Variants in PCSK2 observed in about 807,000 individuals in gnomAD.
PCSK2 encodes the protein neuroendocrine convertase 2.
PCSK2 carries 14 observed loss-of-function variants against 69.7 expected under a neutral mutation model. The observed-to-expected ratio is 0.20, with a 90% CI of 0.13 to 0.31. The LOEUF (loss-of-function observed/expected upper bound fraction) is 0.31, where lower values mean the gene tolerates loss of function less well. PCSK2 is among the 10% of genes least tolerant of loss of function. The probability of loss-of-function intolerance (pLI) is 1.00; values close to 1 mark genes in which losing one functional copy is unlikely to be tolerated. For missense variants in PCSK2, 544 were observed against 842.5 expected (o/e 0.65, Z 4.39); for synonymous variants, 307 against 320.7 (o/e 0.96, Z 0.46).
At chr20:17,335,525 G>A (rs1193306938) in intron 2 of PCSK2, among the ~76,000 whole-genome samples, 3 of 150,300 alleles carry the variant, frequency 2.0e-5, no homozygotes, top group African/African-American at 7.4e-5. Context: ...AGGTTTTGGG[G>A]AAACAGGTGG....
chr20:17,338,528 T>C (rs753663267), intron 2 of PCSK2, among the ~76,000 whole-genome samples: 2 of 152,198 alleles, frequency 1.3e-5, no homozygotes, highest in Non-Finnish European at 2.9e-5. Context: ...GTTGTTGGTT[T>C]TGTTTTCAAG....
intron 1 of PCSK2, among the ~76,000 whole-genome samples, chr20:17,249,687 A>G (rs1986901415): frequency 6.6e-6 from 1 of 152,192 alleles, no homozygotes; most frequent in South Asian, 2.1e-4. Context: ...ATTCTGACAC[A>G]TGCCACAACA....
chr20:17,353,076 T>C (rs1220120157), intron 2 of PCSK2, among the ~76,000 whole-genome samples: 1 of 151,910 alleles, frequency 6.6e-6, no homozygotes, highest in Admixed American at 6.6e-5. Context: ...AACAAACATA[T>C]GAAAAATACT....
chr20:17,348,808 C>T (rs955829419), intron 2 of PCSK2, among the ~76,000 whole-genome samples: 2 of 152,168 alleles, frequency 1.3e-5, no homozygotes, highest in East Asian at 1.9e-4. Flanking sequence ...GATGAGACCC[C>T]ACCCTAATGG....
At chr20:17,261,766 G>T (rs897149025) in intron 2 of PCSK2, among the ~76,000 whole-genome samples, 1 of 151,906 alleles carries the variant, frequency 6.6e-6, no homozygotes, top group Admixed American at 6.5e-5. Flanking sequence ...GATCACCCTG[G>T]TGCACCGTGA....
At chr20:17,442,248 A>G (rs1174003527) in intron 8 of PCSK2, among the ~76,000 whole-genome samples, 2 of 151,600 alleles carry the variant, frequency 1.3e-5, no homozygotes, top group African/African-American at 4.8e-5. Flanking sequence ...GATGGATTCT[A>G]TTCCTAGAAG....
At chr20:17,266,567 T>C (rs1416155103) in intron 2 of PCSK2, among the ~76,000 whole-genome samples, 1 of 152,186 alleles carries the variant, frequency 6.6e-6, no homozygotes, top group Non-Finnish European at 1.5e-5. Context: ...TAGGAGAAAT[T>C]AAACAAAGAT....
At chr20:17,285,465 G>A (rs1166575889) in intron 2 of PCSK2, among the ~76,000 whole-genome samples, 1 of 152,210 alleles carries the variant, frequency 6.6e-6, no homozygotes, top group Admixed American at 6.5e-5. Flanking sequence ...GTTTGGTGAT[G>A]TAGAACTTTA....
At chr20:17,364,570 C>T (rs6080659) in intron 4 of PCSK2, among the ~76,000 whole-genome samples, 26,137 of 151,988 alleles carry the variant, frequency 0.17, 2,603 homozygotes, top group Middle Eastern at 0.3. Context: ...TCAGATCTTG[C>T]GAGACTTATT....
chr20:17,299,003 T>C (rs781079029), intron 2 of PCSK2, among the ~76,000 whole-genome samples: 1 of 152,240 alleles, frequency 6.6e-6, no homozygotes, highest in Non-Finnish European at 1.5e-5. Context: ...GTGTTACAAA[T>C]ATTTAACCTA....
intron 5 of PCSK2, among the ~76,000 whole-genome samples, chr20:17,400,490 T>A (rs1238679036): frequency 6.6e-6 from 1 of 152,116 alleles, no homozygotes; most frequent in Non-Finnish European, 1.5e-5. Flanking sequence ...ATCATAAGGA[T>A]GAGTAATGCA....
chr20:17,475,639 A>G (rs1284271807), intron 11 of PCSK2, among the ~76,000 whole-genome samples: 2 of 152,140 alleles, frequency 1.3e-5, no homozygotes, highest in Admixed American at 1.3e-4. Flanking sequence ...TTTCTGCCAG[A>G]GTTTCTACAA....
chr20:17,415,657 T>C lies in PCSK2; in HGVS notation c.620+6318T>C, dbSNP rs369124808. On this transcript the variant is annotated intron_variant, in intron 6 of 11. Coordinates refer to ENST00000262545, the MANE Select transcript of PCSK2 (RefSeq NM_002594.5). ...ATCCCCATCAAGCTACCAATGACTT[T>C]CTTCACAGAATTGGAAAAAAACTAC... 7.2e-5 allele frequency among the ~76,000 whole-genome samples: 11 copies of C among 152,320 alleles called. No homozygotes were observed. In the South Asian group the frequency reaches 2.3e-3, roughly 32 times the overall value.
chr20:17,479,190 G>T, intron 11 of PCSK2: 1 of 1,382,364 alleles, frequency 7.2e-7, no homozygotes, highest in Non-Finnish European at 1.0e-6. Context: ...AACAGGAGCT[G>T]CTGTGCGAAA....
rs118022005 is a variant in PCSK2 at position 17,357,435 on chromosome 20, G to A, written c.283-892G>A. 1.8e-4 allele frequency among the ~76,000 whole-genome samples: 27 copies of A among 152,314 alleles called. No individual in the cohort carries two copies. The East Asian group carries it at 4.1e-3, about 23-fold the overall frequency. ...TTTCTTTTTCAGCAGATTCTCAAAC[G>A]TGATAGCACTGTCAACAAATTAAAG... On this transcript the variant is annotated intron_variant, in intron 2 of 11. Transcript: ENST00000262545.
intron 11 of PCSK2, among the ~76,000 whole-genome samples, chr20:17,481,217 C>A (rs1263830322): frequency 3.3e-5 from 5 of 151,960 alleles, no homozygotes; most frequent in African/African-American, 1.2e-4. Context: ...TCCGTCTCTA[C>A]TAAAAATACA....
chr20:17,273,200 G>A (rs1987935895), intron 2 of PCSK2, among the ~76,000 whole-genome samples: 2 of 152,082 alleles, frequency 1.3e-5, no homozygotes, highest in Non-Finnish European at 1.5e-5. Flanking sequence ...ATTCAGCTAA[G>A]GATCATATTC....
At chr20:17,271,004 C>T (rs1048911773) in intron 2 of PCSK2, among the ~76,000 whole-genome samples, 6 of 151,338 alleles carry the variant, frequency 4.0e-5, no homozygotes, top group South Asian at 4.2e-4. Context: ...CAGGGACTAA[C>T]CTGAAGCCTC....
chr20:17,396,445 A>C (rs1804009007), intron 5 of PCSK2, among the ~76,000 whole-genome samples: 2 of 152,166 alleles, frequency 1.3e-5, no homozygotes, highest in Admixed American at 1.3e-4. Flanking sequence ...TCATTAAGCT[A>C]TCAAAGCTAC....
Sources: gnomAD v4.1 joint callset for allele counts (sites outside exome capture counted in the v4.1 genomes callset) on GRCh38, gnomAD v4.1.1 for gene constraint, MANE v1.5 for transcripts, NCBI Gene and HGNC (gene_info 2026-07-23, HGNC 2026-07-21) for gene names.